The following GRIA2 variants were observed in gnomAD, a reference collection of about 807,000 sequenced individuals.
The protein encoded by GRIA2 is glutamate receptor 2.
GRIA2 carries 14 observed loss-of-function variants against 97.3 expected under a neutral mutation model. The ratio of observed to expected loss-of-function variants is 0.14; its 90% CI spans 0.10 to 0.23. The LOEUF (loss-of-function observed/expected upper bound fraction) is 0.23, where lower values mean the gene tolerates loss of function less well. Among genes scored for constraint, GRIA2 ranks in the 10% least tolerant of loss-of-function variants. The probability of loss-of-function intolerance (pLI) is 1.00; values close to 1 mark genes in which losing one functional copy is unlikely to be tolerated. For synonymous variants in GRIA2, 412 were observed against 387.8 expected, an observed-to-expected ratio of 1.06 and a Z score of -0.73; for missense variants, 558 against 1,069.8, an observed-to-expected ratio of 0.52 and a Z score of 6.67.
intron 2 of GRIA2, among the ~76,000 whole-genome samples, chr4:157,231,980 T>C (rs1730039837): frequency 6.6e-6 from 1 of 152,196 alleles, no homozygotes; most frequent in Non-Finnish European, 1.5e-5. Context: ...ATTTTGTCAT[T>C]GAGGCTAACT....
At chr4:157,290,198 C>T (rs1358152619) in intron 2 of GRIA2, among the ~76,000 whole-genome samples, 1 of 151,728 alleles carries the variant, frequency 6.6e-6, no homozygotes, top group Non-Finnish European at 1.5e-5. Flanking sequence ...TTTGGTCATG[C>T]AATTATACAG....
rs745451011 is a variant in GRIA2, at chr4:157,363,601, T to G, written c.*170T>G. 4.1e-5 allele frequency: 50 copies of G among 1,231,630 alleles called. No homozygotes were observed. Among genetic ancestry groups the G allele is most frequent in the Non-Finnish European group, 4.9e-5 (48 of 985,832 alleles). 76.3% of individuals were successfully genotyped at this position (1,231,630 alleles called of 1,614,324 possible). On this transcript the variant is annotated 3_prime_UTR_variant, in exon 16 of 16. Transcript: ENST00000264426. Reference sequence around the variant, plus strand: ...GTCAGTGTGACTGATCTCTCGTGATTGATAAGAACCTTTTGAGTGCCTTAC... The same window carrying G: ...GTCAGTGTGACTGATCTCTCGTGATGGATAAGAACCTTTTGAGTGCCTTAC...
chr4:157,354,332 G>A (rs1736151584), intron 12 of GRIA2, among the ~76,000 whole-genome samples: 1 of 152,060 alleles, frequency 6.6e-6, no homozygotes, highest in Non-Finnish European at 1.5e-5. Flanking sequence ...ATCTTTATTG[G>A]TACAACACAA....
intron 2 of GRIA2, among the ~76,000 whole-genome samples, chr4:157,301,174 C>A (rs2126860538): frequency 6.6e-6 from 1 of 152,218 alleles, no homozygotes; most frequent in South Asian, 2.1e-4. Context: ...TCATCAATTG[C>A]TGAACAAATT....
At chr4:157,251,056 T>C (rs1223587657) in intron 2 of GRIA2, among the ~76,000 whole-genome samples, 1 of 152,070 alleles carries the variant, frequency 6.6e-6, no homozygotes, top group Admixed American at 6.6e-5. Context: ...TTTAATTACC[T>C]AAATTGCTTG....
chr4:157,290,528 C>A, intron 2 of GRIA2, among the ~76,000 whole-genome samples: 1 of 150,354 alleles, frequency 6.7e-6, no homozygotes, highest in Non-Finnish European at 1.5e-5. Context: ...ATCCAGATTA[C>A]CCTAGAAGGA....
chr4:157,339,501 T>C (rs1735453921), intron 11 of GRIA2, among the ~76,000 whole-genome samples: 1 of 151,930 alleles, frequency 6.6e-6, no homozygotes, highest in African/African-American at 2.4e-5. Flanking sequence ...CACCTTTGAA[T>C]TATTTATAAG....
intron 2 of GRIA2, among the ~76,000 whole-genome samples, chr4:157,228,365 C>T (rs1729842030): frequency 6.6e-6 from 1 of 152,178 alleles, no homozygotes; most frequent in South Asian, 2.1e-4. Flanking sequence ...CTTTCATCTA[C>T]AACCTAGATA....
chr4:157,261,035 G>A (rs562163395), intron 2 of GRIA2, among the ~76,000 whole-genome samples: 3 of 152,160 alleles, frequency 2.0e-5, no homozygotes, highest in African/African-American at 4.8e-5. Context: ...GATATTACAT[G>A]TATTAGTCCA....
intron 2 of GRIA2, among the ~76,000 whole-genome samples, chr4:157,289,212 A>G (rs575133308): frequency 6.6e-6 from 1 of 151,988 alleles, no homozygotes; most frequent in Admixed American, 6.6e-5. Context: ...AACTAATTTC[A>G]ATATGTCCCT....
Position 157,333,285 on chromosome 4 carries a change from G to T in GRIA2, c.1087G>T (p.Asp363Tyr), listed in dbSNP as rs1295274619. The change falls in exon 8 of 16, where the codon GAC becomes TAC. Residue 363 changes from aspartate (D) to tyrosine (Y), a missense_variant. Transcript: ENST00000264426. The stretch of plus-strand genomic sequence containing the variant: ...AGGTCTCTCAGGAAATATAAAGTTT[G>T]ACCAGAATGGAAAAAGAATAAACTA... ...VEGLSGNIKF[D>Y]QNGKRINYTI... 1.9e-6 allele frequency: 3 copies of T among 1,600,304 alleles called. No homozygotes were observed. In the South Asian group the frequency reaches 3.3e-5, roughly 18 times the overall value.
chr4:157,309,555 T>G (rs987250198), intron 3 of GRIA2, among the ~76,000 whole-genome samples: 7 of 152,064 alleles, frequency 4.6e-5, no homozygotes, highest in Non-Finnish European at 8.8e-5. Flanking sequence ...TTTCGCCATG[T>G]TGGCCAGGCT....
chr4:157,254,270 G>C (rs1432106460), intron 2 of GRIA2, among the ~76,000 whole-genome samples: 1 of 151,978 alleles, frequency 6.6e-6, no homozygotes, highest in African/African-American at 2.4e-5. Flanking sequence ...AGAACGTATA[G>C]AAGCATCGTT....
chr4:157,363,495 G>A lies in GRIA2; in HGVS notation c.*64G>A, dbSNP rs1736731740. 5.6e-6 allele frequency: 7 copies of A among 1,239,632 alleles called. No individual in the cohort carries two copies. Among genetic ancestry groups the A allele is most frequent in the Non-Finnish European group, 5.0e-6 (5 of 990,766 alleles). The allele number at this position is 1,239,632 out of a possible 1,614,324, so 76.8% of individuals were successfully genotyped here. A position where few individuals can be genotyped will look rare whatever the true frequency, so the allele number is the denominator to read the frequency against. On this transcript the variant is annotated 3_prime_UTR_variant, in exon 16 of 16. Coordinates refer to ENST00000264426, the MANE Select transcript of GRIA2 (RefSeq NM_001083619.3). Reference sequence around the variant, plus strand: ...GCTGTCAATTACAGGAAGTACTGGAGAAAATGGACGTGTTATGACTCCAGA... The same window carrying A: ...GCTGTCAATTACAGGAAGTACTGGAAAAAATGGACGTGTTATGACTCCAGA...
intron 4 of GRIA2, among the ~76,000 whole-genome samples, chr4:157,316,835 A>G (rs1277857346): frequency 6.6e-6 from 1 of 152,222 alleles, no homozygotes; most frequent in Non-Finnish European, 1.5e-5. Flanking sequence ...AACATACATT[A>G]CATTACATTT....
In GRIA2 at chr4:157,362,755, C is replaced by G. The variant is rs747928264; in HGVS notation, c.2407-44C>G. The G allele has an allele frequency of 3.9e-6, 6 of 1,552,500 alleles. No individual in the cohort carries two copies. The Admixed American group carries it at 9.1e-5, about 24-fold the overall frequency. ...TGACATTGCTGTTCTCTTCTATTCA[C>G]CAGTTTGCCTTCCTAATAACCTCTT... On this transcript the variant is annotated intron_variant, in intron 14 of 15. Transcript: ENST00000264426.
rs1736803689 is a variant in GRIA2 at position 157,364,670 on chromosome 4, C to T, written c.*1239C>T. On this transcript the variant is annotated 3_prime_UTR_variant, in exon 16 of 16. Coordinates refer to ENST00000264426, the MANE Select transcript of GRIA2 (RefSeq NM_001083619.3). ...TTGAAAGTAATTCTTTAGATAGTTG[C>T]CCATTGATTAAATTCCAAAAACTAA... 6.6e-6 allele frequency: 1 copy of T among 151,870 alleles called. No individual in the cohort carries two copies. The highest frequency in any genetic ancestry group is 1.5e-5 in the Non-Finnish European group (1 of 67,718). The allele number at this position is 151,870 out of a possible 1,614,324, so 9.4% of individuals were successfully genotyped here.
chr4:157,237,289 G>A (rs1209252352), intron 2 of GRIA2, among the ~76,000 whole-genome samples: 1 of 142,338 alleles, frequency 7.0e-6, no homozygotes, highest in Non-Finnish European at 1.5e-5. Context: ...AAATGTATAA[G>A]TTTTTTTTTT....
intron 12 of GRIA2, among the ~76,000 whole-genome samples, chr4:157,355,343 C>T (rs906215451): frequency 6.6e-6 from 1 of 151,868 alleles, no homozygotes; most frequent in Admixed American, 6.6e-5. Flanking sequence ...GCCTGGCCAA[C>T]ATGGTGAAAC....
Sources: gnomAD v4.1 joint callset for allele counts (sites outside exome capture counted in the v4.1 genomes callset) on GRCh38, gnomAD v4.1.1 for gene constraint, MANE v1.5 for transcripts, NCBI Gene and HGNC (gene_info 2026-07-23, HGNC 2026-07-21) for gene names.